PTPRD: variants seen among roughly 807,000 people sequenced by gnomAD.
PTPRD encodes receptor-type tyrosine-protein phosphatase delta.
A neutral mutation model predicts 214.5 loss-of-function variants in PTPRD; 34 were observed. That is an observed-to-expected ratio of 0.16 (90% CI 0.12 to 0.21). The LOEUF (loss-of-function observed/expected upper bound fraction) is 0.21, where lower values mean the gene tolerates loss of function less well. Among genes scored for constraint, PTPRD ranks in the 10% least tolerant of loss-of-function variants. The probability of loss-of-function intolerance (pLI) is 1.00; values close to 1 mark genes in which losing one functional copy is unlikely to be tolerated. For missense variants in PTPRD, 2,545 were observed against 2,398.7 expected (o/e 1.06, Z -1.27); for synonymous variants, 1,128 against 845.7 (o/e 1.33, Z -5.79).
At chr9:10,391,614 C>T (rs747717721) in intron 2 of PTPRD, among the ~76,000 whole-genome samples, 4 of 151,724 alleles carry the variant, frequency 2.6e-5, no homozygotes, top group Non-Finnish European at 5.9e-5. Context: ...ATAACCATTG[C>T]TCAAACCTTT....
At chr9:9,079,874 G>A (rs1007219760) in intron 10 of PTPRD, among the ~76,000 whole-genome samples, 1 of 152,068 alleles carries the variant, frequency 6.6e-6, no homozygotes, top group Non-Finnish European at 1.5e-5. Context: ...GAGTTTACCA[G>A]ATTAATACAT....
chr9:9,210,374 G>C (rs1236036765), intron 9 of PTPRD, among the ~76,000 whole-genome samples: 1 of 151,982 alleles, frequency 6.6e-6, no homozygotes, highest in African/African-American at 2.4e-5. Flanking sequence ...TCCACATTTG[G>C]TTTCAAAATT....
chr9:9,084,215 T>C (rs186049965), intron 10 of PTPRD, among the ~76,000 whole-genome samples: 4 of 152,278 alleles, frequency 2.6e-5, no homozygotes, highest in African/African-American at 7.2e-5. Context: ...TGGAATACTA[T>C]GCAGCCATGA....
At chr9:8,321,487 GTATATATATATATATATATATATATA>G (rs750825729) in intron 44 of PTPRD, among the ~76,000 whole-genome samples, 4 of 44,540 alleles carry the variant, frequency 9.0e-5, no homozygotes, top group Non-Finnish European at 1.5e-4. Flanking sequence ...GTGTGTGTGT[GTATATATATATATATATATATATATA>G]TATATATATA....
chr9:10,156,839 T>C (rs947491729), intron 3 of PTPRD, among the ~76,000 whole-genome samples: 5 of 152,338 alleles, frequency 3.3e-5, no homozygotes, highest in Middle Eastern at 3.4e-3. Context: ...CATATATATT[T>C]AGGATAGTTA....
At chr9:8,784,350 C>T (rs887041844) in intron 11 of PTPRD, among the ~76,000 whole-genome samples, 1 of 152,202 alleles carries the variant, frequency 6.6e-6, no homozygotes, top group African/African-American at 2.4e-5. Flanking sequence ...TAAATGCATG[C>T]TATTACGTGT....
At chr9:10,378,901 T>C (rs1002166591) in intron 2 of PTPRD, among the ~76,000 whole-genome samples, 1 of 152,048 alleles carries the variant, frequency 6.6e-6, no homozygotes, top group African/African-American at 2.4e-5. Flanking sequence ...GTAGATGACT[T>C]TGGGTAGTAC....
At chr9:10,314,966 C>G (rs927847550) in intron 3 of PTPRD, among the ~76,000 whole-genome samples, 2 of 151,882 alleles carry the variant, frequency 1.3e-5, no homozygotes, top group Non-Finnish European at 2.9e-5. Flanking sequence ...TAGATTTGTA[C>G]CTCCTAACTC....
At chr9:9,868,220 C>A (rs1039601794) in intron 5 of PTPRD, among the ~76,000 whole-genome samples, 4 of 151,984 alleles carry the variant, frequency 2.6e-5, no homozygotes, top group Non-Finnish European at 5.9e-5. Context: ...AGAGAAAGAT[C>A]AAAGATAATC....
intron 2 of PTPRD, among the ~76,000 whole-genome samples, chr9:10,395,149 C>T (rs2098143176): frequency 6.6e-6 from 1 of 151,158 alleles, no homozygotes; most frequent in African/African-American, 2.4e-5. Flanking sequence ...TGTGCACAGC[C>T]TGCAGGTTTG....
intron 11 of PTPRD, among the ~76,000 whole-genome samples, chr9:8,818,194 C>T (rs2096961458): frequency 6.9e-6 from 1 of 145,088 alleles, no homozygotes. Flanking sequence ...GAAAATATCA[C>T]TTTAATTGAC....
chr9:9,192,862 C>T (rs1326420422), intron 9 of PTPRD, among the ~76,000 whole-genome samples: 1 of 152,066 alleles, frequency 6.6e-6, no homozygotes, highest in South Asian at 2.1e-4. Context: ...AGATAAGCTG[C>T]AGCGTATGTT....
At chr9:8,527,069 C>T (rs1299272074) in intron 16 of PTPRD, among the ~76,000 whole-genome samples, 1 of 151,766 alleles carries the variant, frequency 6.6e-6, no homozygotes, top group Non-Finnish European at 1.5e-5. Flanking sequence ...ATAGGAAACA[C>T]TAAAGACTAA....
At chr9:10,436,372 C>T (rs538600000) in intron 2 of PTPRD, among the ~76,000 whole-genome samples, 5 of 151,776 alleles carry the variant, frequency 3.3e-5, no homozygotes, top group South Asian at 4.1e-4. Flanking sequence ...CCAACCCTCA[C>T]TATAAATGCC....
At chr9:9,555,237 T>C (rs2081238552) in intron 8 of PTPRD, among the ~76,000 whole-genome samples, 1 of 152,058 alleles carries the variant, frequency 6.6e-6, no homozygotes, top group African/African-American at 2.4e-5. Flanking sequence ...GACTTTCTAA[T>C]ATAATAAAAT....
At chr9:9,279,625 G>C (rs1415668068) in intron 9 of PTPRD, among the ~76,000 whole-genome samples, 1 of 150,396 alleles carries the variant, frequency 6.6e-6, no homozygotes. Flanking sequence ...TAACTGTAAA[G>C]ACCATTAAAT....
intron 2 of PTPRD, among the ~76,000 whole-genome samples, chr9:10,344,635 T>C (rs895246822): frequency 2.6e-5 from 4 of 152,226 alleles, no homozygotes; most frequent in African/African-American, 9.6e-5. Flanking sequence ...ATGGCCATTT[T>C]CACGATATTG....
intron 11 of PTPRD, among the ~76,000 whole-genome samples, chr9:8,776,870 A>G (rs968941443): frequency 1.4e-5 from 2 of 147,284 alleles, no homozygotes; most frequent in East Asian, 3.9e-4. Flanking sequence ...TATATAATAC[A>G]TATGTATAGT....
intron 3 of PTPRD, among the ~76,000 whole-genome samples, chr9:10,195,936 C>T (rs1022909139): frequency 1.1e-4 from 16 of 152,070 alleles, no homozygotes; most frequent in Admixed American, 2.6e-4. Flanking sequence ...ATTTGTACTA[C>T]TTTGTTGAAA....
Sources: allele counts gnomAD v4.1 joint callset (sites outside exome capture counted in the v4.1 genomes callset), GRCh38; gene constraint gnomAD v4.1.1; transcripts MANE v1.5; gene names NCBI Gene and HGNC (gene_info 2026-07-23, HGNC 2026-07-21).